Variants in CAMK1D observed in about 807,000 individuals in gnomAD.
CAMK1D encodes the protein calcium/calmodulin dependent protein kinase ID.
A neutral mutation model predicts 47.7 loss-of-function variants in CAMK1D; 9 were observed. The ratio of observed to expected loss-of-function variants is 0.19; its 90% CI spans 0.11 to 0.33. CAMK1D has a LOEUF of 0.33. Ranked by LOEUF, CAMK1D falls within the 10% of genes least tolerant of loss-of-function variation. The pLI, the probability that CAMK1D is intolerant of heterozygous loss-of-function variation, is 1.00. For missense variants in CAMK1D, 291 were observed against 488.7 expected, an observed-to-expected ratio of 0.60 and a Z score of 3.81; for synonymous variants, 184 against 184.9, an observed-to-expected ratio of 0.99 and a Z score of 0.04.
intron 1 of CAMK1D, among the ~76,000 whole-genome samples, chr10:12,493,536 C>T (rs537274640): frequency 9.2e-5 from 14 of 152,062 alleles, no homozygotes; most frequent in South Asian, 2.1e-4. Context: ...CTCTGTCACC[C>T]GGGCTGGAGT....
At chr10:12,524,423 TTTG>T (rs1462314528) in intron 1 of CAMK1D, among the ~76,000 whole-genome samples, 1 of 152,182 alleles carries the variant, frequency 6.6e-6, no homozygotes. Flanking sequence ...AAAACATCAT[TTTG>T]ACCAGGCGCG....
intron 1 of CAMK1D, among the ~76,000 whole-genome samples, chr10:12,491,149 ATGTGTG>A (rs3062692): frequency 1.1e-4 from 17 of 150,592 alleles, no homozygotes; most frequent in African/African-American, 2.4e-5. Flanking sequence ...GTATGAGAGT[ATGTGTG>A]TGTGTGTGTG....
chr10:12,568,188 C>T (rs1316162923), intron 2 of CAMK1D, among the ~76,000 whole-genome samples: 1 of 103,424 alleles, frequency 9.7e-6, no homozygotes, highest in Non-Finnish European at 2.0e-5. Context: ...CTCCCTCTCC[C>T]CCTCTCTCCC....
At position 12,503,026 on chromosome 10, in the gene CAMK1D, ATG is replaced by A. The variant is rs750367238; in HGVS notation, c.93-50186_93-50185del. Among the ~76,000 whole-genome samples, 306 of 131,220 alleles carry A rather than the reference ATG, an allele frequency of 2.3e-3. 7 individuals are homozygous for A. Among genetic ancestry groups the A allele is most frequent in the Middle Eastern group, 7.9e-3 (2 of 254 alleles). 86.1% of individuals were successfully genotyped at this position (131,220 alleles called of 152,430 possible). Reference sequence around the variant, plus strand: ...TTCGCATGCACGCGTGTATATATGCATGTGTGTGTGTGTGCATGTGTGTATAC... The same window carrying A: ...TTCGCATGCACGCGTGTATATATGCATGTGTGTGTGTGCATGTGTGTATAC... On this transcript the variant is annotated intron_variant, in intron 1 of 10. Transcript: ENST00000619168.
intron 1 of CAMK1D, among the ~76,000 whole-genome samples, chr10:12,427,685 T>C (rs1218087992): frequency 2.0e-5 from 3 of 148,308 alleles, no homozygotes; most frequent in Non-Finnish European, 3.0e-5. Flanking sequence ...CTTTCCTGGC[T>C]TCACTGAACT....
chr10:12,404,622 T>A (rs927052686), intron 1 of CAMK1D, among the ~76,000 whole-genome samples: 2 of 151,968 alleles, frequency 1.3e-5, no homozygotes, highest in Non-Finnish European at 2.9e-5. Flanking sequence ...CTTTGAAAGT[T>A]AGAATGATAG....
intron 1 of CAMK1D, among the ~76,000 whole-genome samples, chr10:12,438,382 T>C (rs907869239): frequency 3.9e-5 from 6 of 152,236 alleles, no homozygotes; most frequent in African/African-American, 1.2e-4. Flanking sequence ...GAATTATACA[T>C]GTGGCTATTG....
chr10:12,381,056 G>C (rs1838326667), intron 1 of CAMK1D, among the ~76,000 whole-genome samples: 1 of 152,166 alleles, frequency 6.6e-6, no homozygotes, highest in African/African-American at 2.4e-5. Context: ...CTTCCATTTT[G>C]ATTTAGGTGA....
Position 12,588,756 on chromosome 10 carries a change from T to C in CAMK1D, c.224+35400T>C, listed in dbSNP as rs531236535. Among the ~76,000 whole-genome samples, 3 of 151,938 alleles carry C rather than the reference T, an allele frequency of 2.0e-5. No homozygotes were observed. In the East Asian group the frequency reaches 5.8e-4, roughly 30 times the overall value. On this transcript the variant is annotated intron_variant, in intron 2 of 10. Coordinates refer to ENST00000619168, the MANE Select transcript of CAMK1D (RefSeq NM_153498.4). ...GTGACAGCATCAAACTCAAGAGAGT[T>C]GTGTCAATTTAAAGTGCATATGTAT...
At chr10:12,696,472 G>C (rs1433803790) in intron 3 of CAMK1D, among the ~76,000 whole-genome samples, 1 of 152,198 alleles carries the variant, frequency 6.6e-6, no homozygotes, top group Non-Finnish European at 1.5e-5. Context: ...AGCGGGCCGA[G>C]GTTGCAGTGA....
intron 2 of CAMK1D, among the ~76,000 whole-genome samples, chr10:12,660,092 C>T (rs1246681685): frequency 6.6e-6 from 1 of 152,176 alleles, no homozygotes; most frequent in East Asian, 1.9e-4. Flanking sequence ...AGGTCAATGC[C>T]CATTACTAGA....
At chr10:12,745,727 C>T (rs902050654) in intron 3 of CAMK1D, among the ~76,000 whole-genome samples, 2 of 151,912 alleles carry the variant, frequency 1.3e-5, no homozygotes, top group East Asian at 1.9e-4. Flanking sequence ...CTCGGCCTCC[C>T]GAGTAGCTGG....
chr10:12,350,007 C>T, intron 1 of CAMK1D, 97 bp downstream of exon 1: 1 of 540,036 alleles, frequency 1.9e-6, no homozygotes, highest in Middle Eastern at 4.4e-4. Flanking sequence ...CGGCAGAAAC[C>T]CAGCCTGTCA....
At chr10:12,704,754 C>G (rs747779187) in intron 3 of CAMK1D, among the ~76,000 whole-genome samples, 1 of 152,144 alleles carries the variant, frequency 6.6e-6, no homozygotes, top group Non-Finnish European at 1.5e-5. Context: ...TCTGTCATTC[C>G]TTTAAATGTT....
intron 1 of CAMK1D, among the ~76,000 whole-genome samples, chr10:12,538,804 C>G (rs1836064921): frequency 6.6e-6 from 1 of 150,922 alleles, no homozygotes; most frequent in Admixed American, 6.6e-5. Flanking sequence ...GTCAGGAGCT[C>G]TCCCTCGCAG....
intron 1 of CAMK1D, among the ~76,000 whole-genome samples, chr10:12,394,533 A>G (rs1268081048): frequency 6.6e-6 from 1 of 152,160 alleles, no homozygotes; most frequent in African/African-American, 2.4e-5. Flanking sequence ...TATGATGAAT[A>G]ACAAGAGATG....
chr10:12,543,978 C>A (rs560717116), intron 1 of CAMK1D, among the ~76,000 whole-genome samples: 1 of 152,318 alleles, frequency 6.6e-6, no homozygotes, highest in South Asian at 2.1e-4. Context: ...ATTCTTTCAT[C>A]ACTATGGAAA....
chr10:12,541,054 G>T (rs1295047299), intron 1 of CAMK1D, among the ~76,000 whole-genome samples: 3 of 151,852 alleles, frequency 2.0e-5, no homozygotes, highest in Non-Finnish European at 4.4e-5. Flanking sequence ...AATAGACATT[G>T]TATCTAAATT....
rs1210520515 is a variant in CAMK1D, at chr10:12,777,299, C to T, written c.565+7500C>T. Among the ~76,000 whole-genome samples, 3 of 149,436 alleles carry T rather than the reference C, an allele frequency of 2.0e-5. No homozygotes were observed. In the East Asian group the frequency reaches 5.9e-4, roughly 30 times the overall value. On this transcript the variant is annotated intron_variant, in intron 5 of 10. Coordinates refer to ENST00000619168, the MANE Select transcript of CAMK1D (RefSeq NM_153498.4). ...CCCGTCAGACATGGAGAAAGTGCTT[C>T]ACATAGAAGTTATCACATGTCAGTT...
Sources: gnomAD v4.1 joint callset for allele counts (sites outside exome capture counted in the v4.1 genomes callset) on GRCh38, gnomAD v4.1.1 for gene constraint, MANE v1.5 for transcripts, NCBI Gene and HGNC (gene_info 2026-07-23, HGNC 2026-07-21) for gene names.